SLC9A6: variants seen among roughly 807,000 people sequenced by gnomAD.
SLC9A6 encodes the protein sodium/hydrogen exchanger 6.
SLC9A6 carries 6 observed loss-of-function variants against 45.3 expected under a neutral mutation model. The ratio of observed to expected loss-of-function variants is 0.13; its 90% CI spans 0.07 to 0.26. The LOEUF (loss-of-function observed/expected upper bound fraction) is 0.26. Ranked by LOEUF, SLC9A6 falls within the 10% of genes least tolerant of loss-of-function variation. The probability of loss-of-function intolerance (pLI) is 1.00; values close to 1 mark genes in which losing one functional copy is unlikely to be tolerated. For synonymous variants in SLC9A6, 191 were observed against 187.7 expected, an observed-to-expected ratio of 1.02 and a Z score of -0.14; for missense variants, 278 against 503.7, an observed-to-expected ratio of 0.55 and a Z score of 4.29.
chrX:136,016,156 G>A (rs1491002253), intron 10 of SLC9A6, among the ~76,000 whole-genome samples: 4 of 111,510 alleles, frequency 3.6e-5, no homozygotes, highest in Non-Finnish European at 5.6e-5. Context: ...CTGGGAGTAC[G>A]AGAGTTCTCA....
chrX:136,014,153 T>C (rs1207526537), intron 10 of SLC9A6, among the ~76,000 whole-genome samples: 1 of 112,368 alleles, frequency 8.9e-6, no homozygotes. Flanking sequence ...TACTTGATTA[T>C]GGCTATAGTG....
chrX:135,976,709 T>A (rs1419200368), intron 1 of SLC9A6, among the ~76,000 whole-genome samples: 1 of 112,203 alleles, frequency 8.9e-6, no homozygotes, highest in Non-Finnish European at 1.9e-5. Flanking sequence ...TTCTTTTCCT[T>A]TAAAAAGATG....
At chrX:135,995,251 G>A (rs922996713) in intron 3 of SLC9A6, among the ~76,000 whole-genome samples, 2 of 112,181 alleles carry the variant, frequency 1.8e-5, no homozygotes, top group Admixed American at 1.9e-4. Context: ...GACTGGGATT[G>A]AGTTAAGCAG....
At chrX:136,029,826 C>T (rs1292197925) in intron 14 of SLC9A6, 4 of 317,878 alleles carry the variant, frequency 1.3e-5, no homozygotes, top group African/African-American at 1.1e-4. Context: ...GGCAGTGCTG[C>T]TCTCCCTGAT....
chrX:136,027,929 A>T (rs1556620708), intron 13 of SLC9A6, among the ~76,000 whole-genome samples: 3 of 112,293 alleles, frequency 2.7e-5, no homozygotes, highest in Non-Finnish European at 5.6e-5. Flanking sequence ...TGACAGTCAC[A>T]TTTCTATCAT....
rs1295829057 is a variant in SLC9A6, at chrX:135,996,755, G to GT, written c.370-1344dup. On this transcript the variant is annotated intron_variant, in intron 3 of 17. Coordinates refer to ENST00000630721, the MANE Select transcript of SLC9A6 (RefSeq NM_001379110.1). ...TTTATTTTTTGTTGTTGTTGTTTTT[G>GT]TTTTTTTTTGTTTGTTTGTTTGTTT... Among the ~76,000 whole-genome samples, 168 of 108,001 alleles carry GT rather than the reference G, an allele frequency of 1.6e-3. 1 individual carries two copies. The highest frequency in any genetic ancestry group is 9.2e-3 in the East Asian group (32 of 3,480). The allele number at this position is 108,001 out of a possible 115,157, so 93.8% of individuals were successfully genotyped here.
chrX:136,041,631 C>T (rs1202006339), intron 17 of SLC9A6, among the ~76,000 whole-genome samples: 1 of 111,940 alleles, frequency 8.9e-6, no homozygotes, highest in Non-Finnish European at 1.9e-5. Flanking sequence ...AAGCTTGGCT[C>T]TTGGATTCCA....
At chrX:135,984,800 C>T (rs781978815), upstream of SLC9A6, among the ~76,000 whole-genome samples, 1 of 111,595 alleles carries the variant, frequency 9.0e-6, no homozygotes, top group African/African-American at 3.3e-5. Context: ...ATTGGGAAAT[C>T]TAAGCACAAA....
At chrX:136,033,053 G>A (rs907045696) in intron 15 of SLC9A6, 3 of 143,023 alleles carry the variant, frequency 2.1e-5, no homozygotes, top group Non-Finnish European at 2.7e-5. Flanking sequence ...TAGTAGAAAC[G>A]GGGTTTCACC....
Position 136,044,828 on chromosome X carries a change from A to C in SLC9A6, c.*104A>C. On this transcript the variant is annotated 3_prime_UTR_variant, in exon 18 of 18. Coordinates refer to ENST00000630721, the MANE Select transcript of SLC9A6 (RefSeq NM_001379110.1). ...GTGCATGTCTCTGAATGTGTAAGCT[A>C]TATAAATGCTATTTATATGGCATAG... 1 of 702,200 alleles carries C rather than the reference A, an allele frequency of 1.4e-6. No homozygotes were observed. Among genetic ancestry groups the C allele is most frequent in the South Asian group, 2.3e-5 (1 of 42,728 alleles). 57.9% of individuals were successfully genotyped at this position (702,200 alleles called of 1,213,427 possible). A position where few individuals can be genotyped will look rare whatever the true frequency, so the allele number is the denominator to read the frequency against.
chrX:136,025,728 G>T (rs1310103926), intron 13 of SLC9A6, among the ~76,000 whole-genome samples: 1 of 112,054 alleles, frequency 8.9e-6, no homozygotes, highest in Admixed American at 9.5e-5. Flanking sequence ...TACAAGGGAT[G>T]AAATAGAGGC....
At chrX:136,037,545 T>C (rs2071431868) in intron 16 of SLC9A6, among the ~76,000 whole-genome samples, 1 of 111,198 alleles carries the variant, frequency 9.0e-6, no homozygotes, top group Admixed American at 9.5e-5. Context: ...AATATATAGA[T>C]AGAAAATTGG....
intron 7 of SLC9A6, among the ~76,000 whole-genome samples, chrX:136,005,693 A>AG (rs1404254189): frequency 1.6e-4 from 17 of 108,549 alleles, no homozygotes; most frequent in South Asian, 3.9e-4. Context: ...AAAAAAAAAA[A>AG]AGAGAGAGAG....
intron 2 of SLC9A6, among the ~76,000 whole-genome samples, chrX:135,993,570 G>A (rs1263688765): frequency 9.0e-6 from 1 of 111,625 alleles, no homozygotes; most frequent in Non-Finnish European, 1.9e-5. Flanking sequence ...TGGATTACAA[G>A]GTCAGGAGTT....
intron 13 of SLC9A6, among the ~76,000 whole-genome samples, chrX:136,025,737 G>T (rs940759997): frequency 2.7e-5 from 3 of 111,812 alleles, no homozygotes; most frequent in Non-Finnish European, 3.8e-5. Flanking sequence ...TGAAATAGAG[G>T]CTTAGAAAGG....
upstream of SLC9A6, among the ~76,000 whole-genome samples, chrX:135,982,133 C>G (rs140109223): frequency 7.1e-3 from 790 of 111,500 alleles, 7 homozygotes; most frequent in African/African-American, 0.025. Flanking sequence ...CATACAAAAA[C>G]AGATAGCAGG....
chrX:136,007,286 A>C (rs2089672331), intron 7 of SLC9A6, among the ~76,000 whole-genome samples: 1 of 109,591 alleles, frequency 9.1e-6, no homozygotes. Flanking sequence ...GGCTGTCATC[A>C]ATGGGGGGGG....
intron 2 of SLC9A6, among the ~76,000 whole-genome samples, chrX:135,986,698 T>C (rs1198968299): frequency 9.1e-6 from 1 of 109,393 alleles, no homozygotes; most frequent in Non-Finnish European, 1.9e-5. Flanking sequence ...CTTTCTGAGG[T>C]TTATTATTAT....
intron 16 of SLC9A6, among the ~76,000 whole-genome samples, chrX:136,034,983 CATAATAT>C (rs2071389544): frequency 1.8e-5 from 2 of 111,326 alleles, no homozygotes; most frequent in South Asian, 3.8e-4. Context: ...ACATTTTCTA[CATAATAT>C]ATAAAACAGT....
Sources: allele counts gnomAD v4.1 joint callset (sites outside exome capture counted in the v4.1 genomes callset), GRCh38; gene constraint gnomAD v4.1.1; transcripts MANE v1.5; gene names NCBI Gene and HGNC (gene_info 2026-07-23, HGNC 2026-07-21).